Variants in WDHD1 observed in about 807,000 individuals in gnomAD.
WDHD1 encodes WD repeat and HMG-box DNA binding protein 1, also known as WD repeat and HMG-box DNA-binding protein 1.
Under a neutral mutation model 135.4 loss-of-function variants are expected in WDHD1, and 111 were observed. The ratio of observed to expected loss-of-function variants is 0.82; its 90% CI spans 0.70 to 0.96. WDHD1 has a LOEUF of 0.96. Among genes scored for constraint, WDHD1 ranks in the 40% least tolerant of loss-of-function variants. The pLI is 0.00. For missense variants in WDHD1, 1,351 were observed against 1,336.3 expected, an observed-to-expected ratio of 1.01 and a Z score of -0.17; for synonymous variants, 434 against 439.0, an observed-to-expected ratio of 0.99 and a Z score of 0.14.
At chr14:54,950,430 A>G (rs1459416970) in intron 24 of WDHD1, among the ~76,000 whole-genome samples, 3 of 152,148 alleles carry the variant, frequency 2.0e-5, no homozygotes, top group Non-Finnish European at 4.4e-5. Flanking sequence ...GATCAATTCA[A>G]TTCAACAAGA....
intron 16 of WDHD1, among the ~76,000 whole-genome samples, chr14:54,969,309 A>G (rs1193577435): frequency 6.7e-6 from 1 of 150,348 alleles, no homozygotes; most frequent in Non-Finnish European, 1.5e-5. Flanking sequence ...TACAGGCGTG[A>G]GCCACCGCGC....
At chr14:54,954,865 G>A (rs2041126311) in intron 24 of WDHD1, among the ~76,000 whole-genome samples, 1 of 152,260 alleles carries the variant, frequency 6.6e-6, no homozygotes, top group Admixed American at 6.5e-5. Context: ...GATTTGCTGG[G>A]ATTACAGGCA....
At chr14:55,025,502 C>A (rs1594602721) in intron 2 of WDHD1, among the ~76,000 whole-genome samples, 1 of 152,246 alleles carries the variant, frequency 6.6e-6, no homozygotes, top group Non-Finnish European at 1.5e-5. Context: ...CCCGCCCCTA[C>A]ACAAACTAAT....
intron 2 of WDHD1, among the ~76,000 whole-genome samples, chr14:55,019,957 C>A (rs532872678): frequency 6.6e-6 from 1 of 152,304 alleles, no homozygotes; most frequent in Non-Finnish European, 1.5e-5. Flanking sequence ...CTCAAGGAGT[C>A]AATGATTACC....
At chr14:54,956,178 G>T (rs1439593818) in intron 23 of WDHD1, among the ~76,000 whole-genome samples, 1 of 151,970 alleles carries the variant, frequency 6.6e-6, no homozygotes, top group Admixed American at 6.6e-5. Context: ...GAAAAATCAG[G>T]ACTCAGAACA....
In WDHD1 at chr14:54,987,148, CT is replaced by C; in HGVS notation, c.1765del (p.Arg589GlufsTer16). 1 of 1,613,690 alleles carries C rather than the reference CT, an allele frequency of 6.2e-7. No individual in the cohort carries two copies. Among genetic ancestry groups the C allele is most frequent in the Non-Finnish European group, 8.5e-7 (1 of 1,179,878 alleles). ...HGEQLFIVYH[R>X]GTGFDGDQCL... ...ATAAAAGACTGAAAAAAATCTACCT[CT>C]GTGATAAACAATGAAAAGCTGTTCT... On this transcript the variant is annotated frameshift_variant, in exon 14 of 26. Transcript: ENST00000360586. LOFTEE classifies it high-confidence loss of function.
At chr14:55,014,410 T>C (rs77440023) in intron 2 of WDHD1, among the ~76,000 whole-genome samples, 5,140 of 152,308 alleles carry the variant, frequency 0.034, 277 homozygotes, top group African/African-American at 0.12. Flanking sequence ...TATTTATTTG[T>C]AAGAATGTAA....
At chr14:54,957,481 G>C (rs756979571) in intron 22 of WDHD1, 111 bp downstream of exon 22, 2 of 1,014,654 alleles carry the variant, frequency 2.0e-6, no homozygotes, top group South Asian at 1.7e-5. Context: ...TTTCCACACA[G>C]ATCAGTCTTT....
At position 55,011,300 on chromosome 14, in the gene WDHD1, C is replaced by T. The variant is rs192782391; in HGVS notation, c.190-840G>A. 5.3e-3 allele frequency among the ~76,000 whole-genome samples: 802 copies of T among 152,024 alleles called. 10 individuals carry two copies. Among genetic ancestry groups the T allele is most frequent in the African/African-American group, 0.018 (756 of 41,474 alleles). On this transcript the variant is annotated intron_variant, in intron 3 of 25. Coordinates refer to ENST00000360586, the MANE Select transcript of WDHD1 (RefSeq NM_007086.4). ...ATCCCAGCACTTTGGGAGGCCAAGG[C>T]GGGTGGATCACGTGAGGTCAGGAGT...
rs762150872 is a variant in WDHD1 at position 54,962,766 on chromosome 14, A to C, written c.2619T>G (p.Asp873Glu). The C allele has an allele frequency of 6.2e-7, 1 of 1,613,784 alleles. No individual in the cohort carries two copies. Reference sequence around the variant, plus strand: ...GCTTATGTATTTCTGGTTTTTCTTCATCATCAGCTTCTCCACTGTCCTCAG... The same window carrying C: ...GCTTATGTATTTCTGGTTTTTCTTCCTCATCAGCTTCTCCACTGTCCTCAG... ...EDAEDSGEAD[D>E]EEKPEIHKPG... The change falls in exon 20 of 26, where the codon GAT (aspartate) becomes GAG (glutamate). Residue 873 changes from aspartate to glutamate, a missense_variant. By Grantham distance (45) the Asp-to-Glu change is conservative (BLOSUM62 2). Around this residue, in one of 2 missense-constraint regions of WDHD1, gnomAD observed 1,330 missense variants for 1,296.1 expected, o/e 1.03. Coordinates refer to ENST00000360586, the MANE Select transcript of WDHD1 (RefSeq NM_007086.4).
intron 15 of WDHD1, among the ~76,000 whole-genome samples, chr14:54,983,634 T>C (rs1595091922): frequency 6.6e-6 from 1 of 151,740 alleles, no homozygotes; most frequent in African/African-American, 2.4e-5. Flanking sequence ...GATCGCATCA[T>C]TGCACTCCAG....
chr14:54,974,495 T>TGG (rs1566720808), intron 16 of WDHD1, among the ~76,000 whole-genome samples: 1 of 145,862 alleles, frequency 6.9e-6, no homozygotes, highest in African/African-American at 2.5e-5. Context: ...TTTGTTTTGT[T>TGG]TTTTTTTTTT....
intron 16 of WDHD1, among the ~76,000 whole-genome samples, chr14:54,979,834 G>A (rs1480246149): frequency 6.6e-6 from 1 of 152,094 alleles, no homozygotes; most frequent in Non-Finnish European, 1.5e-5. Context: ...GAATTCTTTT[G>A]CGTATGTAAA....
chr14:54,950,857 T>G (rs78379848), intron 24 of WDHD1, among the ~76,000 whole-genome samples: 1 of 152,108 alleles, frequency 6.6e-6, no homozygotes, highest in South Asian at 2.1e-4. Context: ...CCAAAACTGC[T>G]CAACCACATG....
chr14:54,959,441 G>GAGGCAGGCAGGC (rs560707275), intron 21 of WDHD1, among the ~76,000 whole-genome samples: 3 of 145,846 alleles, frequency 2.1e-5, no homozygotes, highest in East Asian at 2.1e-4. Flanking sequence ...GGGAGGGAGG[G>GAGGCAGGCAGGC]AGGCAGGCAG....
intron 21 of WDHD1, among the ~76,000 whole-genome samples, chr14:54,958,225 C>T (rs1190233530): frequency 6.6e-6 from 1 of 151,578 alleles, no homozygotes; most frequent in African/African-American, 2.4e-5. Context: ...CTCCCAGGTT[C>T]AGGCGATTCT....
chr14:54,954,944 G>A (rs2041127603), intron 24 of WDHD1, among the ~76,000 whole-genome samples: 1 of 152,110 alleles, frequency 6.6e-6, no homozygotes, highest in Non-Finnish European at 1.5e-5. Context: ...GGTCAGGCTG[G>A]TCTCGAACTC....
At chr14:54,998,275 G>A in intron 10 of WDHD1, among the ~76,000 whole-genome samples, 1 of 151,978 alleles carries the variant, frequency 6.6e-6, no homozygotes, top group African/African-American at 2.4e-5. Context: ...AATGTTCACA[G>A]ATGTGAAATT....
chr14:55,017,351 T>C (rs1036406102), intron 2 of WDHD1, among the ~76,000 whole-genome samples: 1 of 152,190 alleles, frequency 6.6e-6, no homozygotes, highest in Admixed American at 6.6e-5. Flanking sequence ...TATTCTTTTT[T>C]TTTCTTTTTG....
Sources: gnomAD v4.1 joint callset for allele counts (sites outside exome capture counted in the v4.1 genomes callset) on GRCh38, gnomAD v4.1.1 for gene constraint, gnomAD v4.1.1 regional missense constraint, MANE v1.5 for transcripts, NCBI Gene and HGNC (gene_info 2026-07-23, HGNC 2026-07-21) for gene names.